GSDME: variants seen among roughly 807,000 people sequenced by gnomAD.
The protein encoded by GSDME is gasdermin-E.
Under a neutral mutation model 47.5 loss-of-function variants are expected in GSDME, and 44 were observed. The ratio of observed to expected loss-of-function variants is 0.93; its 90% CI spans 0.73 to 1.19. The LOEUF (loss-of-function observed/expected upper bound fraction) is 1.19, where lower values mean the gene tolerates loss of function less well. Among genes scored for constraint, GSDME ranks in the 50% most tolerant of loss-of-function variants. GSDME has a pLI of 0.00. For missense variants in GSDME, 663 were observed against 604.2 expected, an observed-to-expected ratio of 1.10 and a Z score of -1.02; for synonymous variants, 258 against 252.8, an observed-to-expected ratio of 1.02 and a Z score of -0.20.
the GSDME span, among the ~76,000 whole-genome samples, chr7:24,780,979 C>T: frequency 6.6e-6 from 1 of 152,228 alleles, no homozygotes; most frequent in Non-Finnish European, 1.5e-5. The surrounding 1 kb of genome is among the most constrained non-coding windows in gnomAD (Gnocchi z 4.1). Context: ...GACGCAGGGA[C>T]TCAGGCCCCA....
At chr7:24,737,501 A>G (rs1244083310) in intron 3 of GSDME, among the ~76,000 whole-genome samples, 2 of 152,070 alleles carry the variant, frequency 1.3e-5, no homozygotes, top group Admixed American at 1.3e-4. Context: ...TCAAAGCCAA[A>G]ATAAAGTCTC....
At position 24,707,714 on chromosome 7, in the gene GSDME, C is replaced by A. The variant is rs1441792180; in HGVS notation, c.990+413G>T. 6 of 403,554 alleles carry A rather than the reference C, an allele frequency of 1.5e-5. No individual in the cohort carries two copies. The South Asian group carries it at 1.9e-4, about 13-fold the overall frequency. The allele number at this position is 403,554 out of a possible 1,614,324, so 25.0% of individuals were successfully genotyped here. On this transcript the variant is annotated intron_variant, in intron 7 of 9. Transcript: ENST00000645220. The stretch of plus-strand genomic sequence containing the variant: ...CACACACACACAGAGGGGAAGCCCA[C>A]ATGGAGACAGAGCAGAGGCTGGAGT...
At position 24,699,183 on chromosome 7, in the gene GSDME, A is replaced by C; in HGVS notation, c.1334T>G (p.Phe445Cys). Residue 445 changes from phenylalanine to cysteine, a missense_variant, in exon 10 of 10, where the codon TTT becomes TGT. Phe to Cys is a radical substitution (Grantham distance 205). Transcript: ENST00000645220. ...GGCAAACAAGCGCTGCACAATCCCAAACCTTTCTGTATCTTTCAGGGGAGT... is the reference window on the plus strand; with the variant it reads ...GGCAAACAAGCGCTGCACAATCCCACACCTTTCTGTATCTTTCAGGGGAGT... ...TLTPLKDTERFGIVQRLFASA... is the reference protein window; with the variant it reads ...TLTPLKDTERCGIVQRLFASA... The C allele has an allele frequency of 6.2e-7, 1 of 1,614,164 alleles. No homozygotes were observed. The highest frequency in any genetic ancestry group is 8.5e-7 in the Non-Finnish European group (1 of 1,180,026).
At chr7:24,783,247 G>A in the GSDME span, among the ~76,000 whole-genome samples, 2 of 152,192 alleles carry the variant, frequency 1.3e-5, no homozygotes, top group Non-Finnish European at 2.9e-5. Flanking sequence ...CTGGCTTAGA[G>A]GCTCAGAGCA....
At chr7:24,786,527 C>T in the GSDME span, among the ~76,000 whole-genome samples, 22 of 152,182 alleles carry the variant, frequency 1.4e-4, no homozygotes, top group East Asian at 3.3e-3. This position sits in a 1 kb window ranked among gnomAD's most constrained non-coding sequence, Gnocchi z 5.5. Flanking sequence ...GTGAGGCTTT[C>T]GGAGTGGGGT....
At chr7:24,778,534 A>G in the GSDME span, among the ~76,000 whole-genome samples, 2 of 152,128 alleles carry the variant, frequency 1.3e-5, no homozygotes, top group Non-Finnish European at 2.9e-5. The surrounding 1 kb of genome is among the most constrained non-coding windows in gnomAD (Gnocchi z 5.6). Context: ...GGACTTCCCA[A>G]TACTAGAATT....
chr7:24,719,369 C>A, intron 3 of GSDME, 151 bp from the exon 4 acceptor site: 1 of 881,240 alleles, frequency 1.1e-6, no homozygotes, highest in Non-Finnish European at 1.8e-6. Flanking sequence ...GGCAGGTCAC[C>A]TGGAAAGACA....
rs1397670884 is a variant in GSDME at position 24,725,222 on chromosome 7, G to A, written c.405-6004C>T. 6.6e-6 allele frequency among the ~76,000 whole-genome samples: 1 copy of A among 152,186 alleles called. No individual in the cohort carries two copies. Among genetic ancestry groups the A allele is most frequent in the Non-Finnish European group, 1.5e-5 (1 of 68,036 alleles). ...AGCTTAGTTTGCACATCTGTAAACT[G>A]AGAATTTGCTATGAGGGTTACGTTC... is the stretch of plus-strand genomic sequence containing the variant. On this transcript the variant is annotated intron_variant, in intron 3 of 9. Coordinates refer to ENST00000645220, the MANE Select transcript of GSDME (RefSeq NM_001127453.2). This position sits in a 1 kb window ranked among gnomAD's most constrained non-coding sequence, Gnocchi z 5.1.
In GSDME at chr7:24,745,041, C is replaced by G. The variant is rs1189000719; in HGVS notation, c.212-287G>C. Among the ~76,000 whole-genome samples the G allele has an allele frequency of 6.7e-6, 1 of 148,786 alleles. No individual in the cohort carries two copies. The highest frequency in any genetic ancestry group is 2.5e-5 in the African/African-American group (1 of 40,000). ...TGTGTGTGTGTGTGTGTGTGGACCA[C>G]GGGCACACAGTGGACCAGTGACCAG... On this transcript the variant is annotated intron_variant, in intron 2 of 9. Transcript: ENST00000645220. This position sits in a 1 kb window ranked among gnomAD's most constrained non-coding sequence, Gnocchi z 4.4.
Position 24,719,069 on chromosome 7 carries a change from C to T in GSDME, c.554G>A (p.Gly185Asp). The change falls in exon 4 of 10, where the codon GGC becomes GAC. Residue 185 changes from glycine to aspartate, a missense_variant. Physicochemically the swap from Gly to Asp is moderately conservative, Grantham distance 94. Transcript: ENST00000645220. ...QVEEKCGGIV[G>D]IQTKTVQVSA... Reference sequence around the variant, plus strand: ...CACCTGCACCGTCTTGGTCTGGATGCCCACGATGCCACCACACTTCTCCTC... The same window carrying T: ...CACCTGCACCGTCTTGGTCTGGATGTCCACGATGCCACCACACTTCTCCTC... 3 of 1,612,900 alleles carry T rather than the reference C, an allele frequency of 1.9e-6. No individual in the cohort carries two copies. Among genetic ancestry groups the T allele is most frequent in the Non-Finnish European group, 1.7e-6 (2 of 1,180,024 alleles).
At chr7:24,766,312 T>TTATG in the GSDME span, among the ~76,000 whole-genome samples, 1 of 152,052 alleles carries the variant, frequency 6.6e-6, no homozygotes, top group Non-Finnish European at 1.5e-5. The surrounding 1 kb of genome is among the most constrained non-coding windows in gnomAD (Gnocchi z 4.2). Context: ...ATTTATTTAT[T>TTATG]TATTCATTAT....
the GSDME span, among the ~76,000 whole-genome samples, chr7:24,776,323 A>G: frequency 1.3e-5 from 2 of 152,160 alleles, no homozygotes; most frequent in African/African-American, 4.8e-5. Context: ...CAGGGACCTG[A>G]GTCAGATTGT....
At chr7:24,792,750 G>C in the GSDME span, among the ~76,000 whole-genome samples, 52 of 152,278 alleles carry the variant, frequency 3.4e-4, no homozygotes, top group African/African-American at 1.2e-3. Context: ...ACAAACAGCA[G>C]TCTCGGTGGT....
the GSDME span, among the ~76,000 whole-genome samples, chr7:24,769,609 T>G: frequency 6.6e-6 from 1 of 152,050 alleles, no homozygotes; most frequent in Non-Finnish European, 1.5e-5. Context: ...AAAGACTGAT[T>G]AATAGGACTA....
chr7:24,708,805 G>T (rs1176994459), intron 6 of GSDME, among the ~76,000 whole-genome samples: 1 of 152,188 alleles, frequency 6.6e-6, no homozygotes, highest in Non-Finnish European at 1.5e-5. Flanking sequence ...TTCTTCATGA[G>T]TCCTCAAGCT....
the GSDME span, among the ~76,000 whole-genome samples, chr7:24,770,240 G>A: frequency 6.6e-6 from 1 of 152,230 alleles, no homozygotes; most frequent in Non-Finnish European, 1.5e-5. This position sits in a 1 kb window ranked among gnomAD's most constrained non-coding sequence, Gnocchi z 4.6. Context: ...GGTTCACAGA[G>A]CTTCCACATT....
rs1029056045 is a variant in GSDME at position 24,736,535 on chromosome 7, T to C, written c.404+8027A>G. 1.3e-5 allele frequency among the ~76,000 whole-genome samples: 2 copies of C among 152,180 alleles called. No individual in the cohort carries two copies. Among genetic ancestry groups the C allele is most frequent in the Non-Finnish European group, 2.9e-5 (2 of 68,014 alleles). On this transcript the variant is annotated intron_variant, in intron 3 of 9. Coordinates refer to ENST00000645220, the MANE Select transcript of GSDME (RefSeq NM_001127453.2). The surrounding 1 kb of genome is among the most constrained non-coding windows in gnomAD (Gnocchi z 4.6). ...CCCAGATATATAAAGAAAATATTAT[T>C]AAAGCTAAAGAGATAGGCCCCCAGT... is the stretch of plus-strand genomic sequence containing the variant.
chr7:24,792,745 C>G, the GSDME span, among the ~76,000 whole-genome samples: 1 of 152,224 alleles, frequency 6.6e-6, no homozygotes, highest in Non-Finnish European at 1.5e-5. Flanking sequence ...GCTGTACAAA[C>G]AGCAGTCTCG....
the GSDME span, among the ~76,000 whole-genome samples, chr7:24,778,384 A>T: frequency 6.6e-6 from 1 of 152,174 alleles, no homozygotes; most frequent in African/African-American, 2.4e-5. This position sits in a 1 kb window ranked among gnomAD's most constrained non-coding sequence, Gnocchi z 5.6. Context: ...GTCATCAAAG[A>T]TCTTTAGACC....
Sources: allele counts gnomAD v4.1 joint callset (sites outside exome capture counted in the v4.1 genomes callset), GRCh38; gene constraint gnomAD v4.1.1; non-coding constraint Gnocchi (gnomAD v3.1); transcripts MANE v1.5; gene names NCBI Gene and HGNC (gene_info 2026-07-23, HGNC 2026-07-21).